The following BTG3 variants were observed in gnomAD, a reference collection of about 807,000 sequenced individuals.
BTG3 encodes protein BTG3.
In BTG3, 4 loss-of-function variants were observed where a neutral mutation model predicts 25.8. That is an observed-to-expected ratio of 0.16 (90% CI 0.08 to 0.36). The LOEUF (loss-of-function observed/expected upper bound fraction) is 0.36. Ranked by LOEUF, BTG3 falls within the 10% of genes least tolerant of loss-of-function variation. The probability of loss-of-function intolerance (pLI) is 1.00; values close to 1 mark genes in which losing one functional copy is unlikely to be tolerated. For missense variants in BTG3, 201 were observed against 304.9 expected (o/e 0.66, Z 2.54); for synonymous variants, 107 against 99.9 (o/e 1.07, Z -0.42).
intron 4 of BTG3, among the ~76,000 whole-genome samples, chr21:17,596,407 G>A (rs570981900): frequency 5.9e-5 from 9 of 152,012 alleles, no homozygotes; most frequent in East Asian, 3.9e-4. Flanking sequence ...TTCTAAAAGC[G>A]TCAGAGATTT....
At chr21:17,612,162 C>T (rs1345609738) in intron 1 of BTG3, 4 of 152,386 alleles carry the variant, frequency 2.6e-5, no homozygotes, top group Non-Finnish European at 2.9e-5. Context: ...CTTCTGCAAT[C>T]CCGGTTTTCC....
At chr21:17,610,871 G>A (rs1199095736) in intron 1 of BTG3, among the ~76,000 whole-genome samples, 1 of 152,158 alleles carries the variant, frequency 6.6e-6, no homozygotes, top group Non-Finnish European at 1.5e-5. Flanking sequence ...TTCAGAATAT[G>A]ACTCCTTTAT....
At chr21:17,597,553 T>C (rs1024340383) in intron 4 of BTG3, among the ~76,000 whole-genome samples, 2 of 152,018 alleles carry the variant, frequency 1.3e-5, no homozygotes, top group Non-Finnish European at 2.9e-5. Context: ...GGACTGGTGG[T>C]TGGGGAGAAA....
Position 17,608,960 on chromosome 21 carries a change from C to G in BTG3, c.173+12G>C. 6.2e-7 allele frequency: 1 copy of G among 1,610,022 alleles called. No homozygotes were observed. The highest frequency in any genetic ancestry group is 1.3e-5 in the African/African-American group (1 of 74,636). ...TTGATCAGCCTCTGCTTAATCCAAT[C>G]TAATCCTTTACCTGTAGGCCTGTCC... On this transcript the variant is annotated intron_variant, in intron 2 of 4. Transcript: ENST00000348354.
rs555350893 is a variant in BTG3 at position 17,600,332 on chromosome 21, G to A, written c.312-1508C>T. ...GGTTCTTACAAAACACATACAGTTAGAAATGTAATTAAAGTGATTCTAAGT... is the reference window on the plus strand; with the variant it reads ...GGTTCTTACAAAACACATACAGTTAAAAATGTAATTAAAGTGATTCTAAGT... On this transcript the variant is annotated intron_variant, in intron 3 of 4. Transcript: ENST00000348354. 1.0e-3 allele frequency among the ~76,000 whole-genome samples: 159 copies of A among 152,190 alleles called. 1 individual carries two copies. Among genetic ancestry groups the A allele is most frequent in the Non-Finnish European group, 1.8e-3 (125 of 68,004 alleles).
At chr21:17,600,549 A>T (rs759929371) in intron 3 of BTG3, among the ~76,000 whole-genome samples, 30 of 152,192 alleles carry the variant, frequency 2.0e-4, no homozygotes, top group Non-Finnish European at 3.8e-4. Flanking sequence ...GGCTGGGTGC[A>T]GTGGCTTACA....
chr21:17,609,078 T>C lies in BTG3; in HGVS notation c.67A>G (p.Lys23Glu), dbSNP rs150362946. Residue 23 changes from lysine (K) to glutamate (E), a missense_variant, in exon 2 of 5, where the codon AAA becomes GAA. Physicochemically the swap from Lys to Glu is moderately conservative, Grantham distance 56 (BLOSUM62 1). Transcript: ENST00000348354. ...TRLVRKHDKL[K>E]KEAVERFAEK... The stretch of plus-strand genomic sequence containing the variant: ...GCAAACCTCTCAACTGCCTCTTTTT[T>C]CAACTTATCATGTTTTCGAACTAGC... 2.2e-5 allele frequency: 35 copies of C among 1,614,058 alleles called. No individual in the cohort carries two copies. Among genetic ancestry groups the C allele is most frequent in the Non-Finnish European group, 3.0e-5 (35 of 1,180,030 alleles).
In BTG3 at chr21:17,609,161, A is replaced by T. The variant is rs1208418933; in HGVS notation, c.-8-9T>A. On this transcript the variant is annotated splice_polypyrimidine_tract_variant and intron_variant, in intron 1 of 4. Coordinates refer to ENST00000348354, the MANE Select transcript of BTG3 (RefSeq NM_006806.5). ...ATTCTTCATTTTTTTCCCTGCAAAG[A>T]TAAAACATGTTTTCTCAGAAAAACA... The T allele has an allele frequency of 3.1e-6, 5 of 1,600,238 alleles. No individual in the cohort carries two copies. The highest frequency in any genetic ancestry group is 4.3e-6 in the Non-Finnish European group (5 of 1,176,298).
At chr21:17,606,301 C>T (rs1347361643) in intron 2 of BTG3, among the ~76,000 whole-genome samples, 1 of 152,076 alleles carries the variant, frequency 6.6e-6, no homozygotes, top group Non-Finnish European at 1.5e-5. Context: ...GGTTCAAATC[C>T]AGGCCACTAG....
Position 17,594,076 on chromosome 21 carries a change from C to T in BTG3, c.*17G>A. The T allele has an allele frequency of 6.2e-7, 1 of 1,610,014 alleles. No individual in the cohort carries two copies. The highest frequency in any genetic ancestry group is 8.5e-7 in the Non-Finnish European group (1 of 1,177,650). ...TACCTTTTTCTCAACATGACACCAA[C>T]ACAATCAAAAACGAAGTTAGTGAGG... On this transcript the variant is annotated 3_prime_UTR_variant, in exon 5 of 5. Transcript: ENST00000348354.
intron 3 of BTG3, among the ~76,000 whole-genome samples, chr21:17,601,835 A>G (rs1317364797): frequency 6.6e-6 from 1 of 152,222 alleles, no homozygotes; most frequent in Non-Finnish European, 1.5e-5. Context: ...AGAAACCTCA[A>G]CCAAGGGCAA....
At position 17,594,271 on chromosome 21, in the gene BTG3, C is replaced by A. The variant is rs1394686885; in HGVS notation, c.581G>T (p.Gly194Val). 1.2e-5 allele frequency: 19 copies of A among 1,613,028 alleles called. No individual in the cohort carries two copies. The highest frequency in any genetic ancestry group is 2.7e-5 in the African/African-American group (2 of 74,844). ...MWHPLPRKKP[G>V]MYRGNGHQNH... ...CTGATGGCCATTCCCTCGATACATT[C>A]CTGGCTTTTTTCTGGGCAAAGGGTG... is the stretch of plus-strand genomic sequence containing the variant. Residue 194 changes from glycine to valine, a missense_variant, in exon 5 of 5, where the codon GGA (glycine) becomes GTA (valine). Coordinates refer to ENST00000348354, the MANE Select transcript of BTG3 (RefSeq NM_006806.5).
chr21:17,594,078 C>T lies in BTG3; in HGVS notation c.*15G>A, dbSNP rs766266852. 6.2e-7 allele frequency: 1 copy of T among 1,610,302 alleles called. No individual in the cohort carries two copies. The highest frequency in any genetic ancestry group is 1.7e-5 in the Admixed American group (1 of 59,696). On this transcript the variant is annotated 3_prime_UTR_variant, in exon 5 of 5. Transcript: ENST00000348354. ...CCTTTTTCTCAACATGACACCAACA[C>T]AATCAAAAACGAAGTTAGTGAGGTG...
rs1245098208 is a variant in BTG3 at position 17,594,679 on chromosome 21, T to C, written c.520-347A>G. 3.9e-5 allele frequency among the ~76,000 whole-genome samples: 6 copies of C among 152,142 alleles called. No homozygotes were observed. The East Asian group carries it at 9.7e-4, about 24-fold the overall frequency. On this transcript the variant is annotated intron_variant, in intron 4 of 4. Coordinates refer to ENST00000348354, the MANE Select transcript of BTG3 (RefSeq NM_006806.5). ...CACAGCTGGCTAAGCCAGGAGTCAC[T>C]TGGAGGCTTTTAAATACAAAACATT...
intron 3 of BTG3, among the ~76,000 whole-genome samples, chr21:17,601,513 G>C (rs1424494073): frequency 2.0e-5 from 3 of 152,136 alleles, no homozygotes; most frequent in Non-Finnish European, 4.4e-5. Flanking sequence ...AACACAGCAA[G>C]ACCCTCTCTC....
intron 2 of BTG3, 135 bp downstream of exon 2, chr21:17,608,837 T>C (rs2061681291): frequency 2.3e-6 from 2 of 861,568 alleles, no homozygotes; most frequent in South Asian, 2.8e-5. Flanking sequence ...AAGGAGAAAA[T>C]ATACAAACAC....
In BTG3 at chr21:17,612,885, C is replaced by T. The variant is rs989662931; in HGVS notation, c.-195G>A. On this transcript the variant is annotated 5_prime_UTR_variant, in exon 1 of 5. Coordinates refer to ENST00000348354, the MANE Select transcript of BTG3 (RefSeq NM_006806.5). ...CGCGTTGAGAGGACTGGCGGGCGGA[C>T]GAGCGCGCACACGAGTGAGCGCAGC... The T allele has an allele frequency of 6.6e-6, 1 of 151,936 alleles. No homozygotes were observed. Among genetic ancestry groups the T allele is most frequent in the South Asian group, 2.1e-4 (1 of 4,834 alleles). The allele number at this position is 151,936 out of a possible 1,614,324, so 9.4% of individuals were successfully genotyped here. A position where few individuals can be genotyped will look rare whatever the true frequency, so the allele number is the denominator to read the frequency against.
At chr21:17,599,991 A>G (rs897781581) in intron 3 of BTG3, among the ~76,000 whole-genome samples, 1 of 152,238 alleles carries the variant, frequency 6.6e-6, no homozygotes, top group Non-Finnish European at 1.5e-5. Context: ...TATATTGCTT[A>G]CTTCAGAGTT....
At chr21:17,602,939 C>T (rs1023809162) in intron 3 of BTG3, among the ~76,000 whole-genome samples, 6 of 152,178 alleles carry the variant, frequency 3.9e-5, no homozygotes, top group African/African-American at 9.7e-5. Context: ...TTATATTGAA[C>T]GTAAACTATT....
Sources: gnomAD v4.1 joint callset for allele counts (sites outside exome capture counted in the v4.1 genomes callset) on GRCh38, gnomAD v4.1.1 for gene constraint, MANE v1.5 for transcripts, NCBI Gene and HGNC (gene_info 2026-07-23, HGNC 2026-07-21) for gene names.